The following RNF150 variants were observed in gnomAD, a reference collection of about 807,000 sequenced individuals.
The protein encoded by RNF150 is ring finger protein 150.
RNF150 carries 24 observed loss-of-function variants against 39.3 expected under a neutral mutation model. The ratio of observed to expected loss-of-function variants is 0.61; its 90% confidence interval spans 0.44 to 0.86. The LOEUF (loss-of-function observed/expected upper bound fraction) is 0.86, where lower values mean the gene tolerates loss of function less well. Among genes scored for constraint, RNF150 ranks in the 40% least tolerant of loss-of-function variants. The pLI is 0.00. For missense variants in RNF150, 502 were observed against 587.8 expected, an observed-to-expected ratio of 0.85 and a Z score of 1.51; for synonymous variants, 255 against 227.3, an observed-to-expected ratio of 1.12 and a Z score of -1.10.
chr4:140,927,350 T>C (rs891622922), intron 4 of RNF150, among the ~76,000 whole-genome samples: 45 of 152,180 alleles, frequency 3.0e-4, no homozygotes, highest in African/African-American at 1.1e-3. Flanking sequence ...TCATGTCGAA[T>C]TGTAATCTCC....
intron 1 of RNF150, among the ~76,000 whole-genome samples, chr4:141,144,936 G>A (rs1274336739): frequency 1.3e-5 from 2 of 152,098 alleles, no homozygotes; most frequent in Non-Finnish European, 2.9e-5. Flanking sequence ...ATTTAAATTT[G>A]ATAATAAAAT....
At chr4:140,890,962 T>G (rs1729734025) in intron 6 of RNF150, among the ~76,000 whole-genome samples, 1 of 152,156 alleles carries the variant, frequency 6.6e-6, no homozygotes, top group South Asian at 2.1e-4. Context: ...AGTGTCAAAT[T>G]AATAAGAGAA....
chr4:141,145,977 C>T (rs1188751429), intron 1 of RNF150, among the ~76,000 whole-genome samples: 1 of 152,190 alleles, frequency 6.6e-6, no homozygotes, highest in East Asian at 1.9e-4. Context: ...TTCAGTGTCC[C>T]ACTGCCTTCC....
chr4:141,139,519 C>T (rs1727081245), intron 1 of RNF150, among the ~76,000 whole-genome samples: 1 of 152,210 alleles, frequency 6.6e-6, no homozygotes, highest in African/African-American at 2.4e-5. Flanking sequence ...AGTAGGCTTG[C>T]AGAGCTGTTC....
intron 1 of RNF150, among the ~76,000 whole-genome samples, chr4:141,082,237 A>G (rs1285174118): frequency 1.3e-5 from 2 of 152,224 alleles, no homozygotes; most frequent in African/African-American, 4.8e-5. Context: ...CTTCTTTGGA[A>G]AAAAGCCTAA....
intron 1 of RNF150, among the ~76,000 whole-genome samples, chr4:141,046,945 G>A (rs927003940): frequency 4.0e-5 from 6 of 151,708 alleles, no homozygotes; most frequent in East Asian, 1.9e-4. Flanking sequence ...CTCCCTCCCC[G>A]ACACACCAAA....
At chr4:141,034,765 A>G (rs1470347988) in intron 1 of RNF150, among the ~76,000 whole-genome samples, 2 of 152,178 alleles carry the variant, frequency 1.3e-5, no homozygotes, top group African/African-American at 4.8e-5. Flanking sequence ...TAGAGCAGTC[A>G]GAAGACACAA....
At chr4:140,962,821 A>C (rs190122414) in intron 2 of RNF150, among the ~76,000 whole-genome samples, 3 of 152,144 alleles carry the variant, frequency 2.0e-5, no homozygotes, top group African/African-American at 4.8e-5. Flanking sequence ...ACAATGAATA[A>C]AGAAATTAAG....
At chr4:140,935,009 A>T (rs1294060944) in intron 4 of RNF150, among the ~76,000 whole-genome samples, 11 of 92,378 alleles carry the variant, frequency 1.2e-4, no homozygotes, top group African/African-American at 4.5e-4. Flanking sequence ...ATATATATAA[A>T]TATATATATA....
chr4:141,032,116 A>G (rs1380884416), intron 1 of RNF150, among the ~76,000 whole-genome samples: 1 of 152,116 alleles, frequency 6.6e-6, no homozygotes, highest in East Asian at 1.9e-4. Context: ...TTAAAAAAGA[A>G]GGAAATTGTG....
rs543705503 is a variant in RNF150, at chr4:140,907,913, G to A, written c.1198+3231C>T. On this transcript the variant is annotated intron_variant, in intron 6 of 6. Transcript: ENST00000515673. ...CTAATATATGAAAAAGGCTTAAAAG[G>A]GTGCCTGGTATGTAATAGGTACAAC... Among the ~76,000 whole-genome samples the A allele has an allele frequency of 2.7e-4, 41 of 152,266 alleles. 1 individual carries two copies. In the South Asian group the frequency reaches 8.5e-3, roughly 32 times the overall value.
In RNF150 at chr4:140,863,645, G is replaced by A. The variant is rs926545499; in HGVS notation, c.*4616C>T. ...AAGATGGGAAAATAATTTATGTATGGGTATACAAAGTAAGATATAGGCAGT... is the reference window on the plus strand; with the variant it reads ...AAGATGGGAAAATAATTTATGTATGAGTATACAAAGTAAGATATAGGCAGT... On this transcript the variant is annotated 3_prime_UTR_variant, in exon 7 of 7. Transcript: ENST00000515673. 2 of 152,046 alleles carry A rather than the reference G, an allele frequency of 1.3e-5. No individual in the cohort carries two copies. The highest frequency in any genetic ancestry group is 2.9e-5 in the Non-Finnish European group (2 of 68,010). The allele number at this position is 152,046 out of a possible 1,614,324, so 9.4% of individuals were successfully genotyped here. A position where few individuals can be genotyped will look rare whatever the true frequency, so the allele number is the denominator to read the frequency against.
intron 1 of RNF150, among the ~76,000 whole-genome samples, chr4:141,148,856 A>G (rs751043005): frequency 3.3e-5 from 5 of 151,932 alleles, no homozygotes; most frequent in Admixed American, 6.6e-5. Context: ...TCTCAGTCCA[A>G]CTCAGTTTAG....
intron 1 of RNF150, among the ~76,000 whole-genome samples, chr4:141,075,007 C>CT (rs1337967377): frequency 2.0e-5 from 3 of 152,198 alleles, no homozygotes; most frequent in African/African-American, 4.8e-5. Context: ...ACTCTTTTGT[C>CT]TTAAATATAC....
intron 1 of RNF150, among the ~76,000 whole-genome samples, chr4:141,149,641 A>T (rs951386461): frequency 6.6e-6 from 1 of 152,132 alleles, no homozygotes; most frequent in Admixed American, 6.6e-5. Context: ...TCACTGATTG[A>T]TGGGCATTTG....
chr4:141,110,203 G>A lies in RNF150; in HGVS notation c.484+22122C>T, dbSNP rs12650997. ...TCGGTCTGCCTCCTAATGGCAGGAC[G>A]TCAATCCTTCCTTACTGGAGACAGC... On this transcript the variant is annotated intron_variant, in intron 1 of 6. Transcript: ENST00000515673. 5.8e-3 allele frequency among the ~76,000 whole-genome samples: 879 copies of A among 152,272 alleles called. 20 individuals carry two copies. In the East Asian group the frequency reaches 0.09, roughly 16 times the overall value.
intron 1 of RNF150, among the ~76,000 whole-genome samples, chr4:140,995,980 G>A (rs1172483022): frequency 6.6e-6 from 1 of 152,020 alleles, no homozygotes; most frequent in Non-Finnish European, 1.5e-5. Context: ...CCTTTTTTGG[G>A]GGGGTATATA....
intron 6 of RNF150, among the ~76,000 whole-genome samples, chr4:140,870,456 ATGTGTG>A (rs36234235): frequency 4.1e-5 from 6 of 147,722 alleles, no homozygotes; most frequent in Non-Finnish European, 7.5e-5. Flanking sequence ...TTGTGCGTGT[ATGTGTG>A]TGTGTGTGTG....
At chr4:141,103,981 A>T (rs999786966) in intron 1 of RNF150, among the ~76,000 whole-genome samples, 1 of 152,248 alleles carries the variant, frequency 6.6e-6, no homozygotes, top group African/African-American at 2.4e-5. Flanking sequence ...TTTTTCTTCA[A>T]TTCTGAGTCA....
Sources: allele counts gnomAD v4.1 joint callset (sites outside exome capture counted in the v4.1 genomes callset), GRCh38; gene constraint gnomAD v4.1.1; transcripts MANE v1.5; gene names NCBI Gene and HGNC (gene_info 2026-07-23, HGNC 2026-07-21).